Variants in RCOR1 observed in about 807,000 individuals in gnomAD.
RCOR1 encodes REST corepressor.
RCOR1 carries 12 observed loss-of-function variants against 64.0 expected under a neutral mutation model. The observed-to-expected ratio is 0.19, with a 90% CI of 0.12 to 0.30. RCOR1 has a LOEUF of 0.30. Among genes scored for constraint, RCOR1 ranks in the 10% least tolerant of loss-of-function variants. The probability of loss-of-function intolerance (pLI) is 1.00; values close to 1 mark genes in which losing one functional copy is unlikely to be tolerated. For missense variants in RCOR1, 502 were observed against 621.2 expected (o/e 0.81, Z 2.04); for synonymous variants, 279 against 227.2 (o/e 1.23, Z -2.05).
intron 2 of RCOR1, among the ~76,000 whole-genome samples, chr14:102,677,148 G>T (rs1328527431): frequency 7.5e-6 from 1 of 133,226 alleles, no homozygotes; most frequent in Non-Finnish European, 1.6e-5. Context: ...GCGGCTGGCC[G>T]GGCGGGGGGC....
Position 102,726,351 on chromosome 14 carries a change from G to A in RCOR1, c.1420-117G>A, listed in dbSNP as rs114425569. 4.0e-4 allele frequency: 339 copies of A among 851,870 alleles called. 4 individuals carry two copies. The African/African-American group carries it at 5.2e-3, about 13-fold the overall frequency. The allele number at this position is 851,870 out of a possible 1,614,324, so 52.8% of individuals were successfully genotyped here. On this transcript the variant is annotated intron_variant, in intron 11 of 11. Transcript: ENST00000262241. ...CCTCCAAAAAAAAAAAAAAGAACTC[G>A]GTGTTTGCTCTGCAGGTTTGCTGGC...
At chr14:102,622,804 TC>T (rs1434067057) in intron 2 of RCOR1, among the ~76,000 whole-genome samples, 4 of 152,166 alleles carry the variant, frequency 2.6e-5, no homozygotes, top group Non-Finnish European at 5.9e-5. Context: ...TCTTTACTTT[TC>T]TTCTCGCCTC....
intron 2 of RCOR1, among the ~76,000 whole-genome samples, chr14:102,618,733 A>G (rs1053832475): frequency 1.3e-5 from 2 of 152,330 alleles, no homozygotes; most frequent in South Asian, 2.1e-4. Flanking sequence ...ACCGTTTTCC[A>G]TGGTCATAAA....
chr14:102,648,178 A>G (rs1364951834), intron 2 of RCOR1, among the ~76,000 whole-genome samples: 1 of 152,102 alleles, frequency 6.6e-6, no homozygotes, highest in East Asian at 1.9e-4. Context: ...TCCCGGGTTC[A>G]GACAATTCTC....
chr14:102,657,517 T>C (rs1894750722), intron 2 of RCOR1: 5 of 983,594 alleles, frequency 5.1e-6, no homozygotes, highest in Middle Eastern at 5.2e-4. Flanking sequence ...ATTTTAAATA[T>C]CATTTTACAT....
At chr14:102,703,151 G>A (rs1053497204) in intron 4 of RCOR1, among the ~76,000 whole-genome samples, 4 of 152,152 alleles carry the variant, frequency 2.6e-5, no homozygotes, top group Non-Finnish European at 5.9e-5. Context: ...AAGGACAGTG[G>A]AAATGATTTG....
At position 102,679,077 on chromosome 14, in the gene RCOR1, A is replaced by G. The variant is rs181780769; in HGVS notation, c.362-2818A>G. Among the ~76,000 whole-genome samples the G allele has an allele frequency of 6.6e-5, 10 of 152,336 alleles. 1 individual carries two copies. The highest frequency in any genetic ancestry group is 2.4e-4 in the African/African-American group (10 of 41,580). ...AATATTTTCTTACAGTCCGTAGTGTATCTCAACAGTGCCTTTTGCAGAGCA... is the reference window on the plus strand; with the variant it reads ...AATATTTTCTTACAGTCCGTAGTGTGTCTCAACAGTGCCTTTTGCAGAGCA... On this transcript the variant is annotated intron_variant, in intron 2 of 11. Coordinates refer to ENST00000262241, the MANE Select transcript of RCOR1 (RefSeq NM_015156.4).
intron 2 of RCOR1, among the ~76,000 whole-genome samples, chr14:102,608,455 G>A (rs1355908095): frequency 6.6e-6 from 1 of 151,976 alleles, no homozygotes; most frequent in Admixed American, 6.6e-5. Context: ...TGTTTTTTGA[G>A]ATGGAGTCTT....
chr14:102,643,742 C>G (rs1225493975), intron 2 of RCOR1, among the ~76,000 whole-genome samples: 1 of 152,146 alleles, frequency 6.6e-6, no homozygotes, highest in Non-Finnish European at 1.5e-5. Context: ...CAGAGCTGTA[C>G]CCTAGACTTG....
rs914175634 is a variant in RCOR1 at position 102,729,802 on chromosome 14, G to A, written c.*3296G>A. On this transcript the variant is annotated 3_prime_UTR_variant, in exon 12 of 12. Transcript: ENST00000262241. ...GCCAAACAGTGCATTACGCTAACTG[G>A]ATCCCTGCTTTTATGTGAGCTAAGG... 2.3e-5 allele frequency: 9 copies of A among 398,902 alleles called. No individual in the cohort carries two copies. The highest frequency in any genetic ancestry group is 1.6e-4 in the African/African-American group (8 of 48,612). 24.7% of individuals were successfully genotyped at this position (398,902 alleles called of 1,614,324 possible).
rs1349695410 is a variant in RCOR1 at position 102,726,562 on chromosome 14, G to A, written c.*56G>A. On this transcript the variant is annotated 3_prime_UTR_variant, in exon 12 of 12. Transcript: ENST00000262241. ...ACTACTGTGTTATCCGGGATATCAGGTATTATGAGACATCACCTAGCCATC... is the reference window on the plus strand; with the variant it reads ...ACTACTGTGTTATCCGGGATATCAGATATTATGAGACATCACCTAGCCATC... 6 of 1,452,854 alleles carry A rather than the reference G, an allele frequency of 4.1e-6. No individual in the cohort carries two copies. The highest frequency in any genetic ancestry group is 5.7e-6 in the Non-Finnish European group (6 of 1,055,156). The allele number at this position is 1,452,854 out of a possible 1,614,324, so 90.0% of individuals were successfully genotyped here.
chr14:102,673,012 T>A (rs568947113), intron 2 of RCOR1, among the ~76,000 whole-genome samples: 1 of 152,306 alleles, frequency 6.6e-6, no homozygotes, highest in East Asian at 1.9e-4. Context: ...TTTCTCACAA[T>A]GTACACAAAA....
intron 4 of RCOR1, 105 bp downstream of exon 4, chr14:102,701,435 G>C (rs1567440696): frequency 2.4e-6 from 2 of 834,432 alleles, no homozygotes; most frequent in Non-Finnish European, 3.6e-6. Flanking sequence ...TTCTTCATTA[G>C]CAACTTTTTG....
intron 2 of RCOR1, among the ~76,000 whole-genome samples, chr14:102,594,205 G>A (rs1258486249): frequency 6.6e-6 from 1 of 152,192 alleles, no homozygotes; most frequent in African/African-American, 2.4e-5. Context: ...TTTAAAGGTT[G>A]TTGGTATGGA....
intron 2 of RCOR1, among the ~76,000 whole-genome samples, chr14:102,621,917 A>T (rs1253163600): frequency 3.3e-5 from 5 of 152,168 alleles, no homozygotes; most frequent in African/African-American, 1.2e-4. Flanking sequence ...GTACCAATTT[A>T]GCTGGCATTG....
At position 102,646,428 on chromosome 14, in the gene RCOR1, A is replaced by C. The variant is rs116480338; in HGVS notation, c.362-35467A>C. 9.4e-3 allele frequency among the ~76,000 whole-genome samples: 1,438 copies of C among 152,360 alleles called. 24 individuals carry two copies. Among genetic ancestry groups the C allele is most frequent in the African/African-American group, 0.033 (1,358 of 41,572 alleles). ...AAGAAAAGCTCAAATTTGAAAAAAC[A>C]AAAAAGCTTGAAGAGCTAAGAGAAA... On this transcript the variant is annotated intron_variant, in intron 2 of 11. Transcript: ENST00000262241.
At chr14:102,646,284 CCTT>C (rs1567420354) in intron 2 of RCOR1, among the ~76,000 whole-genome samples, 1 of 152,138 alleles carries the variant, frequency 6.6e-6, no homozygotes, top group African/African-American at 2.4e-5. Flanking sequence ...TTTAGTACTT[CCTT>C]CTTAACTGTG....
At chr14:102,647,506 C>T (rs776461819) in intron 2 of RCOR1, among the ~76,000 whole-genome samples, 11 of 151,624 alleles carry the variant, frequency 7.3e-5, no homozygotes, top group South Asian at 4.2e-4. Context: ...TTAGTAGAGA[C>T]GGGGTTTCCC....
At chr14:102,669,251 G>C (rs1231427240) in intron 2 of RCOR1, among the ~76,000 whole-genome samples, 1 of 151,278 alleles carries the variant, frequency 6.6e-6, no homozygotes, top group Non-Finnish European at 1.5e-5. Flanking sequence ...GGAGGTTGCA[G>C]TGAGCTGAGA....
Sources: allele counts gnomAD v4.1 joint callset (sites outside exome capture counted in the v4.1 genomes callset), GRCh38; gene constraint gnomAD v4.1.1; transcripts MANE v1.5; gene names NCBI Gene and HGNC (gene_info 2026-07-23, HGNC 2026-07-21).